BTRC: variants seen among roughly 807,000 people sequenced by gnomAD.
The protein encoded by BTRC is beta-transducin repeat containing E3 ubiquitin protein ligase.
BTRC carries 42 observed loss-of-function variants against 85.5 expected under a neutral mutation model. The observed-to-expected ratio is 0.49, with a 90% CI of 0.38 to 0.64. The LOEUF is 0.64. Among genes scored for constraint, BTRC ranks in the 30% least tolerant of loss-of-function variants. The probability of loss-of-function intolerance (pLI) is 0.00; values close to 1 mark genes in which losing one functional copy is unlikely to be tolerated. For missense variants in BTRC, 594 were observed against 743.5 expected (o/e 0.80, Z 2.34); for synonymous variants, 255 against 263.3 (o/e 0.97, Z 0.30).
chr10:101,407,553 G>T (rs938370262), intron 1 of BTRC, among the ~76,000 whole-genome samples: 3 of 151,726 alleles, frequency 2.0e-5, no homozygotes, highest in African/African-American at 7.3e-5. Flanking sequence ...ACTACACCCA[G>T]CTAATTTCTG....
intron 1 of BTRC, among the ~76,000 whole-genome samples, chr10:101,368,902 C>T (rs1241981157): frequency 6.6e-6 from 1 of 152,058 alleles, no homozygotes; most frequent in Non-Finnish European, 1.5e-5. Flanking sequence ...ACCTGTAATC[C>T]CAGCTACTCA....
intron 3 of BTRC, among the ~76,000 whole-genome samples, chr10:101,474,657 C>T (rs1427467237): frequency 6.6e-6 from 1 of 152,190 alleles, no homozygotes; most frequent in African/African-American, 2.4e-5. Context: ...GCCACTATGG[C>T]AGTTTTGAAC....
intron 9 of BTRC, 112 bp from the exon 10 acceptor site, chr10:101,534,549 C>T (rs2062355291): frequency 8.7e-6 from 12 of 1,383,268 alleles, no homozygotes; most frequent in Admixed American, 1.7e-5. Context: ...TTCTCCCACT[C>T]TCCCAGTCTG....
In BTRC at chr10:101,522,406, C is replaced by T. The variant is rs1466341206; in HGVS notation, c.556+536C>T. 7.5e-4 allele frequency among the ~76,000 whole-genome samples: 28 copies of T among 37,428 alleles called. 1 individual carries two copies. Among genetic ancestry groups the T allele is most frequent in the Non-Finnish European group, 1.8e-3 (28 of 15,766 alleles). The allele number at this position is 37,428 out of a possible 152,430, so 24.6% of individuals were successfully genotyped here. The stretch of plus-strand genomic sequence containing the variant: ...AAAAAAAAAACTCTAGAAATAAAGA[C>T]TCCTTTTTTTTTTTTTTTTTTTTTT... On this transcript the variant is annotated intron_variant, in intron 5 of 14. Coordinates refer to ENST00000370187, the MANE Select transcript of BTRC (RefSeq NM_033637.4).
intron 1 of BTRC, among the ~76,000 whole-genome samples, chr10:101,393,565 C>A (rs1404355378): frequency 1.3e-5 from 2 of 152,144 alleles, no homozygotes; most frequent in African/African-American, 4.8e-5. Flanking sequence ...CAAAGTACAT[C>A]ACAAAAATCC....
chr10:101,408,013 C>T (rs191091639), intron 1 of BTRC, among the ~76,000 whole-genome samples: 84 of 152,122 alleles, frequency 5.5e-4, no homozygotes, highest in Non-Finnish European at 4.7e-4. Context: ...TGAGCCACTG[C>T]GCCTGGCCTA....
chr10:101,551,946 T>C (rs1241196768), intron 14 of BTRC, among the ~76,000 whole-genome samples: 1 of 152,168 alleles, frequency 6.6e-6, no homozygotes, highest in Non-Finnish European at 1.5e-5. Flanking sequence ...CTTAGCACAG[T>C]GGCGAATACA....
intron 1 of BTRC, among the ~76,000 whole-genome samples, chr10:101,355,136 ATG>A (rs1941997373): frequency 6.6e-6 from 1 of 152,156 alleles, no homozygotes; most frequent in African/African-American, 2.4e-5. Context: ...GGACGGTAAA[ATG>A]TGGAGGCCAG....
chr10:101,422,948 G>A (rs979369661), intron 1 of BTRC, among the ~76,000 whole-genome samples: 46 of 152,252 alleles, frequency 3.0e-4, no homozygotes, highest in Non-Finnish European at 6.3e-4. Flanking sequence ...ACTTGGCAAT[G>A]CGGGCTCTTT....
chr10:101,550,668 G>T, intron 13 of BTRC, 31 bp from the exon 14 acceptor site: 1 of 1,601,604 alleles, frequency 6.2e-7, no homozygotes, highest in Non-Finnish European at 8.5e-7. Flanking sequence ...AGTAGTTCAA[G>T]TTCCTACCCT....
chr10:101,367,189 G>C (rs1292007638), intron 1 of BTRC, among the ~76,000 whole-genome samples: 1 of 146,592 alleles, frequency 6.8e-6, no homozygotes, highest in African/African-American at 2.5e-5. Flanking sequence ...TCCTACCTCA[G>C]CCTCCCCAGT....
intron 7 of BTRC, among the ~76,000 whole-genome samples, chr10:101,531,751 CTT>C (rs759597402): frequency 9.9e-5 from 15 of 152,208 alleles, no homozygotes; most frequent in Middle Eastern, 3.4e-3. Flanking sequence ...AAATCAATCT[CTT>C]TACAGGCGAG....
At chr10:101,485,593 A>G (rs1003072198) in intron 4 of BTRC, among the ~76,000 whole-genome samples, 3 of 152,104 alleles carry the variant, frequency 2.0e-5, no homozygotes, top group African/African-American at 7.2e-5. Flanking sequence ...CTTTTGAACT[A>G]CCGTGTTTCT....
intron 1 of BTRC, among the ~76,000 whole-genome samples, chr10:101,429,866 TAAAA>T: frequency 7.0e-6 from 1 of 143,854 alleles, no homozygotes; most frequent in East Asian, 2.1e-4. Flanking sequence ...CTTTTCCTTC[TAAAA>T]AAAAAAAAAA....
At chr10:101,462,307 G>A (rs985598332) in intron 3 of BTRC, among the ~76,000 whole-genome samples, 2 of 152,168 alleles carry the variant, frequency 1.3e-5, no homozygotes, top group Non-Finnish European at 2.9e-5. Context: ...AGATCTGCCT[G>A]TAATAAAGTT....
chr10:101,368,237 T>A (rs1321301444), intron 1 of BTRC, among the ~76,000 whole-genome samples: 2 of 152,206 alleles, frequency 1.3e-5, no homozygotes, highest in Non-Finnish European at 2.9e-5. Context: ...GGTTTCTCTC[T>A]TGGCGTGTGA....
Position 101,487,472 on chromosome 10 carries a change from A to G in BTRC, c.324+8015A>G, listed in dbSNP as rs1483731030. The stretch of plus-strand genomic sequence containing the variant: ...ATCAATAAACTGCAGTGCCTCTAAT[A>G]AAGCCACTCAGTGTCTGGGTTTAAC... On this transcript the variant is annotated intron_variant, in intron 4 of 14. Coordinates refer to ENST00000370187, the MANE Select transcript of BTRC (RefSeq NM_033637.4). Among the ~76,000 whole-genome samples, 3 of 152,236 alleles carry G rather than the reference A, an allele frequency of 2.0e-5. No individual in the cohort carries two copies. The East Asian group carries it at 5.8e-4, about 29-fold the overall frequency.
intron 1 of BTRC, among the ~76,000 whole-genome samples, chr10:101,385,217 A>G (rs908878583): frequency 1.9e-4 from 28 of 151,114 alleles, no homozygotes; most frequent in Admixed American, 1.3e-4. Flanking sequence ...GAAAAAAAAA[A>G]TTAGCCGGGC....
chr10:101,531,472 T>G (rs753757386), intron 7 of BTRC, 139 bp downstream of exon 7: 192 of 640,146 alleles, frequency 3.0e-4, no homozygotes, highest in Non-Finnish European at 4.0e-4. Flanking sequence ...CCATGGTGGC[T>G]CACACCTGTA....
Sources: gnomAD v4.1 joint callset for allele counts (sites outside exome capture counted in the v4.1 genomes callset) on GRCh38, gnomAD v4.1.1 for gene constraint, MANE v1.5 for transcripts, NCBI Gene and HGNC (gene_info 2026-07-23, HGNC 2026-07-21) for gene names.